The following KAZN variants were observed in gnomAD, a reference collection of about 807,000 sequenced individuals.
KAZN encodes kazrin, periplakin interacting protein.
In KAZN, 40 loss-of-function variants were observed where a neutral mutation model predicts 87.4. That is an observed-to-expected ratio of 0.46 (90% CI 0.36 to 0.60). The LOEUF (loss-of-function observed/expected upper bound fraction) is 0.60. KAZN is among the 20% of genes least tolerant of loss of function. The pLI, the probability that KAZN is intolerant of heterozygous loss-of-function variation, is 0.00. For synonymous variants in KAZN, 466 were observed against 458.3 expected (o/e 1.02, Z -0.22); for missense variants, 898 against 1,073.9 (o/e 0.84, Z 2.29).
At chr1:15,110,035 A>G (rs115818597) in intron 13 of KAZN, among the ~76,000 whole-genome samples, 2 of 12,192 alleles carry the variant, frequency 1.6e-4, no homozygotes, top group African/African-American at 3.9e-4. Context: ...GTGTTTGTGT[A>G]TGTGTGTATA....
intron 1 of KAZN, among the ~76,000 whole-genome samples, chr1:14,675,159 T>C (rs1640141670): frequency 1.3e-5 from 2 of 152,232 alleles, no homozygotes; most frequent in Admixed American, 1.3e-4. Flanking sequence ...CTACCAAGGA[T>C]GTCCTGGCTG....
At chr1:14,838,082 G>T (rs763290331) in intron 1 of KAZN, among the ~76,000 whole-genome samples, 1 of 152,196 alleles carries the variant, frequency 6.6e-6, no homozygotes, top group Non-Finnish European at 1.5e-5. Context: ...AGGTTCTGTT[G>T]TCTGGTGAGA....
intron 1 of KAZN, among the ~76,000 whole-genome samples, chr1:14,794,048 C>T (rs1645760287): frequency 6.6e-6 from 1 of 152,186 alleles, no homozygotes; most frequent in South Asian, 2.1e-4. Context: ...ACATAAGCAG[C>T]GTTTGCTAAA....
rs1422978193 is a variant in KAZN at position 14,480,616 on chromosome 1, TA to T, written c.250-118362del. Among the ~76,000 whole-genome samples, 13 of 134,404 alleles carry T rather than the reference TA, an allele frequency of 9.7e-5. 1 individual carries two copies. The East Asian group carries it at 2.2e-3, about 23-fold the overall frequency. The allele number at this position is 134,404 out of a possible 152,430, so 88.2% of individuals were successfully genotyped here. ...TATATATTATATTTTATATAATGTA[TA>T]AAAATATATGTATATATTATGTATT... On this transcript the variant is annotated intron_variant, in intron 2 of 16. Transcript: ENST00000636203.
At chr1:14,703,931 G>A (rs1353854910) in intron 1 of KAZN, among the ~76,000 whole-genome samples, 1 of 152,196 alleles carries the variant, frequency 6.6e-6, no homozygotes, top group Non-Finnish European at 1.5e-5. Context: ...GTCCTTCAGA[G>A]AAAAGGAAGC....
At chr1:14,022,510 A>G (rs867534318) in intron 1 of KAZN, among the ~76,000 whole-genome samples, 18 of 95,648 alleles carry the variant, frequency 1.9e-4, no homozygotes, top group South Asian at 4.9e-4. Flanking sequence ...AAAAAAAAAA[A>G]AAAAGAAAAA....
At chr1:14,079,759 G>C (rs901621366) in intron 1 of KAZN, among the ~76,000 whole-genome samples, 6 of 152,170 alleles carry the variant, frequency 3.9e-5, no homozygotes, top group African/African-American at 1.4e-4. Flanking sequence ...GAGCAAATGG[G>C]AAAAGAGTTA....
intron 1 of KAZN, among the ~76,000 whole-genome samples, chr1:14,921,267 G>A (rs541018698): frequency 5.3e-5 from 8 of 152,124 alleles, no homozygotes; most frequent in Non-Finnish European, 1.0e-4. Flanking sequence ...TTACGAAGCA[G>A]CTTGGATGAC....
At chr1:14,630,068 A>C (rs547758565) in intron 1 of KAZN, among the ~76,000 whole-genome samples, 1 of 152,314 alleles carries the variant, frequency 6.6e-6, no homozygotes, top group Admixed American at 6.5e-5. Context: ...CAGAAACATC[A>C]TTGGCCCTCA....
intron 1 of KAZN, among the ~76,000 whole-genome samples, chr1:14,622,601 G>A (rs1678794302): frequency 6.7e-6 from 1 of 150,322 alleles, no homozygotes; most frequent in Admixed American, 6.6e-5. Flanking sequence ...TGAGGCAGGA[G>A]AATGGCATGA....
intron 1 of KAZN, among the ~76,000 whole-genome samples, chr1:14,794,569 C>G (rs749698922): frequency 5.9e-5 from 9 of 152,170 alleles, no homozygotes; most frequent in Non-Finnish European, 1.0e-4. Flanking sequence ...TGGTGTTTGC[C>G]AATTTCCTTG....
At chr1:14,405,605 A>AATGT (rs1663774608) in intron 2 of KAZN, among the ~76,000 whole-genome samples, 1 of 86,178 alleles carries the variant, frequency 1.2e-5, no homozygotes, top group South Asian at 4.2e-4. Context: ...GACCCAATAA[A>AATGT]ATGTGTGTGT....
chr1:14,386,022 G>A (rs1661850681), intron 2 of KAZN, among the ~76,000 whole-genome samples: 1 of 151,918 alleles, frequency 6.6e-6, no homozygotes, highest in African/African-American at 2.4e-5. Context: ...ATATTTTTAG[G>A]ATAGTTAGCT....
intron 1 of KAZN, among the ~76,000 whole-genome samples, chr1:14,047,945 G>A (rs1045305287): frequency 6.6e-6 from 1 of 152,062 alleles, no homozygotes; most frequent in Non-Finnish European, 1.5e-5. Context: ...CCATCAAACT[G>A]GAAGCTCCAT....
chr1:14,198,700 TTATAAC>T (rs990642418), intron 2 of KAZN, among the ~76,000 whole-genome samples: 32 of 152,272 alleles, frequency 2.1e-4, no homozygotes, highest in Middle Eastern at 3.4e-3. Context: ...AGGTGAATGT[TTATAAC>T]TATTAATATG....
chr1:14,863,808 C>T (rs1317455835), intron 1 of KAZN, among the ~76,000 whole-genome samples: 5 of 151,982 alleles, frequency 3.3e-5, no homozygotes, highest in African/African-American at 9.7e-5. Context: ...ATGAATGAGT[C>T]GGAGTAGGGG....
At chr1:14,115,458 CA>C (rs36026817) in intron 1 of KAZN, among the ~76,000 whole-genome samples, 2 of 152,048 alleles carry the variant, frequency 1.3e-5, no homozygotes, top group Non-Finnish European at 2.9e-5. Flanking sequence ...CTAATGGTTC[CA>C]AAAAGGGAAC....
At chr1:14,884,956 T>G (rs1408489565) in intron 1 of KAZN, among the ~76,000 whole-genome samples, 1 of 152,116 alleles carries the variant, frequency 6.6e-6, no homozygotes, top group African/African-American at 2.4e-5. Flanking sequence ...CTGGCAGAGA[T>G]CGAGCATCAC....
At chr1:14,485,820 G>A (rs1017032828) in intron 2 of KAZN, among the ~76,000 whole-genome samples, 25 of 151,014 alleles carry the variant, frequency 1.7e-4, no homozygotes, top group Non-Finnish European at 3.1e-4. Context: ...TTGAACCCCA[G>A]AGGCGGAGGT....
Sources: gnomAD v4.1 joint callset for allele counts (sites outside exome capture counted in the v4.1 genomes callset) on GRCh38, gnomAD v4.1.1 for gene constraint, MANE v1.5 for transcripts, NCBI Gene and HGNC (gene_info 2026-07-23, HGNC 2026-07-21) for gene names.